Variants in DOCK4 observed in about 807,000 individuals in gnomAD.
The protein encoded by DOCK4 is dedicator of cytokinesis 4.
In DOCK4, 97 loss-of-function variants were observed where a neutral mutation model predicts 268.1. The ratio of observed to expected loss-of-function variants is 0.36; its 90% confidence interval spans 0.31 to 0.43. The LOEUF (loss-of-function observed/expected upper bound fraction) is 0.43. Among genes scored for constraint, DOCK4 ranks in the 20% least tolerant of loss-of-function variants. The pLI, the probability that DOCK4 is intolerant of heterozygous loss-of-function variation, is 1.00. For missense variants in DOCK4, 2,145 were observed against 2,455.7 expected (o/e 0.87, Z 2.67); for synonymous variants, 954 against 887.2 (o/e 1.08, Z -1.34).
chr7:111,730,074 A>C (rs931041285), intron 52 of DOCK4, among the ~76,000 whole-genome samples: 1 of 152,130 alleles, frequency 6.6e-6, no homozygotes, highest in African/African-American at 2.4e-5. Context: ...AGTCCCCACT[A>C]TGCCACGTGG....
chr7:111,988,909 A>G, intron 6 of DOCK4, 106 bp downstream of exon 6: 1 of 1,434,054 alleles, frequency 7.0e-7, no homozygotes, highest in East Asian at 2.5e-5. Flanking sequence ...AACATGAAAA[A>G]GCCCATAGGA....
chr7:111,746,448 T>C (rs747347280), intron 43 of DOCK4, 31 bp from the exon 44 acceptor site: 1 of 1,496,650 alleles, frequency 6.7e-7, no homozygotes, highest in Non-Finnish European at 9.1e-7. Flanking sequence ...CAGTCTACTT[T>C]AGTGGAGTAC....
intron 23 of DOCK4, among the ~76,000 whole-genome samples, chr7:111,862,301 A>G (rs1023802113): frequency 2.6e-5 from 4 of 151,998 alleles, no homozygotes; most frequent in Non-Finnish European, 5.9e-5. Flanking sequence ...TCTGTCTCAA[A>G]AAAAGCTAAA....
chr7:111,743,693 G>C (rs981618594), intron 44 of DOCK4, among the ~76,000 whole-genome samples: 1 of 152,166 alleles, frequency 6.6e-6, no homozygotes, highest in Non-Finnish European at 1.5e-5. Context: ...GGTGTACCTT[G>C]GGATTGATGC....
At chr7:112,171,072 G>A (rs11535292) in intron 1 of DOCK4, among the ~76,000 whole-genome samples, 15,287 of 152,216 alleles carry the variant, frequency 0.1, 948 homozygotes, top group South Asian at 0.14. Context: ...GACACAATAA[G>A]TATTTCCAAT....
At chr7:111,767,170 T>C in intron 37 of DOCK4, 52 bp from the exon 38 acceptor site, 2 of 1,497,594 alleles carry the variant, frequency 1.3e-6, no homozygotes, top group Non-Finnish European at 1.9e-6. Flanking sequence ...ATCCACTTAC[T>C]TCTACCCAAA....
At chr7:112,140,294 C>T (rs1814780529) in intron 1 of DOCK4, among the ~76,000 whole-genome samples, 2 of 151,762 alleles carry the variant, frequency 1.3e-5, no homozygotes, top group Non-Finnish European at 2.9e-5. Context: ...CCCCAACCCC[C>T]ACCTGCAGGA....
At chr7:111,770,190 G>C (rs574119106) in intron 36 of DOCK4, among the ~76,000 whole-genome samples, 11 of 149,932 alleles carry the variant, frequency 7.3e-5, no homozygotes, top group Non-Finnish European at 1.5e-4. Context: ...ATTTACAAGG[G>C]GCAAAGAAGC....
At chr7:112,111,973 A>G (rs1811697425) in intron 1 of DOCK4, among the ~76,000 whole-genome samples, 1 of 152,138 alleles carries the variant, frequency 6.6e-6, no homozygotes, top group Non-Finnish European at 1.5e-5. Context: ...CAGGATGCTC[A>G]CACCCACACA....
chr7:112,023,697 A>T, intron 1 of DOCK4: 1 of 445,672 alleles, frequency 2.2e-6, no homozygotes, highest in South Asian at 1.6e-5. Context: ...GCAGACAGGC[A>T]TTTTGTGCTC....
At chr7:111,819,114 T>C (rs1203915269) in intron 27 of DOCK4, among the ~76,000 whole-genome samples, 1 of 152,208 alleles carries the variant, frequency 6.6e-6, no homozygotes, top group African/African-American at 2.4e-5. Flanking sequence ...GGTTAGTGCA[T>C]GATATGTTTG....
At chr7:111,847,336 A>C (rs1804188125) in intron 23 of DOCK4, among the ~76,000 whole-genome samples, 1 of 152,216 alleles carries the variant, frequency 6.6e-6, no homozygotes, top group African/African-American at 2.4e-5. Flanking sequence ...TGACACTTTT[A>C]GGTGAAATAG....
intron 44 of DOCK4, among the ~76,000 whole-genome samples, chr7:111,743,794 C>T (rs1277586436): frequency 3.9e-5 from 6 of 152,074 alleles, no homozygotes; most frequent in Non-Finnish European, 8.8e-5. Flanking sequence ...CCCAAGGGAC[C>T]TCTGGAATGT....
chr7:112,145,375 T>C lies in DOCK4; in HGVS notation c.37+60727A>G, dbSNP rs945008505. 3.2e-4 allele frequency among the ~76,000 whole-genome samples: 49 copies of C among 152,140 alleles called. 1 individual carries two copies. The highest frequency in any genetic ancestry group is 2.9e-3 in the Admixed American group (44 of 15,264). ...AAACAACATAGGAACATACACATACTAATAAACTCCCATATGCTAGGCCTA... is the reference window on the plus strand; with the variant it reads ...AAACAACATAGGAACATACACATACCAATAAACTCCCATATGCTAGGCCTA... On this transcript the variant is annotated intron_variant, in intron 1 of 52. Coordinates refer to ENST00000428084, the MANE Select transcript of DOCK4 (RefSeq NM_001363540.2).
chr7:112,165,868 G>A (rs878923720), intron 1 of DOCK4, among the ~76,000 whole-genome samples: 2 of 151,986 alleles, frequency 1.3e-5, no homozygotes, highest in African/African-American at 2.4e-5. Context: ...TCCTCGTCAC[G>A]TTTCCCATCC....
intron 1 of DOCK4, among the ~76,000 whole-genome samples, chr7:112,020,171 CAGATG>C (rs2135406462): frequency 6.6e-6 from 1 of 152,344 alleles, no homozygotes; most frequent in East Asian, 1.9e-4. Context: ...CTCCTCAAAA[CAGATG>C]AGTTAAGAGC....
At chr7:112,040,161 G>A (rs1486718936) in intron 1 of DOCK4, among the ~76,000 whole-genome samples, 1 of 152,078 alleles carries the variant, frequency 6.6e-6, no homozygotes, top group Non-Finnish European at 1.5e-5. Context: ...CAATTGAATG[G>A]AAATTCTTCA....
intron 3 of DOCK4, among the ~76,000 whole-genome samples, chr7:111,998,888 CTT>C (rs11456600): frequency 2.0e-5 from 3 of 151,788 alleles, no homozygotes; most frequent in African/African-American, 7.3e-5. Context: ...ATGGTAGTTC[CTT>C]TTTTTCTCCC....
chr7:112,020,685 T>TAAAA (rs58803593), intron 1 of DOCK4, among the ~76,000 whole-genome samples: 7 of 116,902 alleles, frequency 6.0e-5, no homozygotes, highest in Non-Finnish European at 1.1e-4. Context: ...ACCCTAAAAG[T>TAAAA]AAAAAAAAAA....
Sources: allele counts gnomAD v4.1 joint callset (sites outside exome capture counted in the v4.1 genomes callset), GRCh38; gene constraint gnomAD v4.1.1; transcripts MANE v1.5; gene names NCBI Gene and HGNC (gene_info 2026-07-23, HGNC 2026-07-21).